Variants in NES observed in about 807,000 individuals in gnomAD.
NES encodes nestin.
A neutral mutation model predicts 35.6 loss-of-function variants in NES; 27 were observed. That is an observed-to-expected ratio of 0.76 (90% CI 0.56 to 1.04). NES has a LOEUF of 1.04. Ranked by LOEUF, NES falls within the 50% of genes least tolerant of loss-of-function variation. The pLI, the probability that NES is intolerant of heterozygous loss-of-function variation, is 0.00. For synonymous variants in NES, 822 were observed against 824.2 expected, an observed-to-expected ratio of 1.00 and a Z score of 0.04; for missense variants, 1,867 against 1,983.6, an observed-to-expected ratio of 0.94 and a Z score of 1.12.
chr1:156,670,294 G>A lies in NES; in HGVS notation c.3894C>T (p.Ser1298=). The A allele has an allele frequency of 6.2e-7, 1 of 1,611,656 alleles. No homozygotes were observed. Among genetic ancestry groups the A allele is most frequent in the Non-Finnish European group, 8.5e-7 (1 of 1,178,572 alleles). ...EDELGETLPD[S]TPLGFYLRSP... ...ACCTGAGGTAGAAGCCCAGGGGAGT[G>A]GAGTCTGGAAGGGTCTCCCCGAGCT... Residue 1298 remains serine, a synonymous_variant, in exon 4 of 4, where the codon TCC becomes TCT. Coordinates refer to ENST00000368223, the MANE Select transcript of NES (RefSeq NM_006617.2).
At position 156,675,714 on chromosome 1, in the gene NES, C is replaced by T. The variant is rs905924772; in HGVS notation, c.784-374G>A. On this transcript the variant is annotated intron_variant, in intron 1 of 3. Coordinates refer to ENST00000368223, the MANE Select transcript of NES (RefSeq NM_006617.2). ...AAAAAAGCGAAAGCAGAAGGAAAAA[C>T]GATTAATCAAGATGCCTGGAGCCTG... Among the ~76,000 whole-genome samples the T allele has an allele frequency of 7.2e-5, 11 of 152,246 alleles. No individual in the cohort carries two copies. In the South Asian group the frequency reaches 1.7e-3, roughly 23 times the overall value.
In NES at chr1:156,670,404, C is replaced by T. The variant is rs1679690718; in HGVS notation, c.3784G>A (p.Glu1262Lys). The stretch of plus-strand genomic sequence containing the variant: ...TCCCCAGAACCCAACTCCTCCTGCT[C>T]GCTCTCTACTTTCCCCAGGGCTTCA... ...RAEALGKVES[E>K]QEELGSGEIP... The change falls in exon 4 of 4, where the codon GAG (glutamate) becomes AAG (lysine). Residue 1262 changes from glutamate (E) to lysine (K), a missense_variant. Coordinates refer to ENST00000368223, the MANE Select transcript of NES (RefSeq NM_006617.2). 7.6e-6 allele frequency: 12 copies of T among 1,578,726 alleles called. No homozygotes were observed. In the East Asian group the frequency reaches 9.0e-5, roughly 12 times the overall value.
intron 2 of NES, 48 bp from the exon 3 acceptor site, chr1:156,673,575 T>C: frequency 1.4e-6 from 2 of 1,461,592 alleles, no homozygotes; most frequent in Non-Finnish European, 9.5e-7. Flanking sequence ...CCCCCAGGCC[T>C]GCAGGCAGCA....
chr1:156,673,622 T>C (rs1679782714), intron 2 of NES, 95 bp from the exon 3 acceptor site: 1 of 820,724 alleles, frequency 1.2e-6, no homozygotes, highest in Admixed American at 2.5e-5. Flanking sequence ...GCTTGCACCA[T>C]CCAGGCCCTG....
Position 156,677,144 on chromosome 1 carries a change from C to A in NES, c.121G>T (p.Gly41Trp), listed in dbSNP as rs759279990. The change falls in exon 1 of 4, where the codon GGG becomes TGG. Residue 41 changes from glycine (G) to tryptophan (W), a missense_variant. By Grantham distance (184) the Gly-to-Trp change is radical. Coordinates refer to ENST00000368223, the MANE Select transcript of NES (RefSeq NM_006617.2). The surrounding 1 kb of genome is among the most constrained non-coding windows in gnomAD (Gnocchi z 4.5). ...TCCGCGGATTGTGCCCGGAGCCCCC[C>A]GAGCTCCGCGCTGAGCAGCTCATTC... ...EQNELLSAELGGLRAQSADTS... is the reference protein window; with the variant it reads ...EQNELLSAELWGLRAQSADTS... 3.7e-6 allele frequency: 6 copies of A among 1,610,250 alleles called. No individual in the cohort carries two copies. Among genetic ancestry groups the A allele is most frequent in the Non-Finnish European group, 5.1e-6 (6 of 1,178,988 alleles).
At chr1:156,673,298 G>C (rs1679776519) in intron 3 of NES, 93 bp from the exon 4 acceptor site, 1 of 1,301,024 alleles carries the variant, frequency 7.7e-7, no homozygotes, top group Non-Finnish European at 1.1e-6. Flanking sequence ...GTATCCATGC[G>C]CCTGCCCCTG....
chr1:156,677,197 A>G lies in NES; in HGVS notation c.68T>C (p.Leu23Pro). ...CTCCTCCAGCGCCTTGACCCGGGCC[A>G]GGTAGGCCTCCAGGCGCCGATTGAG... Reference protein sequence around the residue: ...WELNRRLEAYLARVKALEEQN... With the variant: ...WELNRRLEAYPARVKALEEQN... The change falls in exon 1 of 4, where the codon CTG (leucine) becomes CCG (proline). Residue 23 changes from leucine to proline, a missense_variant. Coordinates refer to ENST00000368223, the MANE Select transcript of NES (RefSeq NM_006617.2). The surrounding 1 kb of genome is among the most constrained non-coding windows in gnomAD (Gnocchi z 4.5). 1 of 1,580,492 alleles carries G rather than the reference A, an allele frequency of 6.3e-7. No individual in the cohort carries two copies. Among genetic ancestry groups the G allele is most frequent in the Non-Finnish European group, 8.6e-7 (1 of 1,159,158 alleles).
intron 2 of NES, 80 bp from the exon 3 acceptor site, chr1:156,673,607 G>T: frequency 9.5e-7 from 1 of 1,049,206 alleles, no homozygotes. Context: ...GACAACTCAG[G>T]CTGAGCTTGC....
rs1426349446 is a variant in NES at position 156,675,427 on chromosome 1, G to C, written c.784-87C>G. The C allele has an allele frequency of 2.7e-6, 4 of 1,461,286 alleles. No individual in the cohort carries two copies. In the African/African-American group the frequency reaches 4.2e-5, roughly 15 times the overall value. The allele number at this position is 1,461,286 out of a possible 1,614,324, so 90.5% of individuals were successfully genotyped here. A position where few individuals can be genotyped will look rare whatever the true frequency, so the allele number is the denominator to read the frequency against. ...CCTCCTGCCCGCTGCCGCTGCCCGG[G>C]AAGCACCTCCTGCTCCCTGGCTGAC... is the stretch of plus-strand genomic sequence containing the variant. On this transcript the variant is annotated intron_variant, in intron 1 of 3. Coordinates refer to ENST00000368223, the MANE Select transcript of NES (RefSeq NM_006617.2).
chr1:156,676,882 C>T lies in NES; in HGVS notation c.383G>A (p.Ser128Asn). Residue 128 changes from serine (S) to asparagine (N), a missense_variant, in exon 1 of 4, where the codon AGC becomes AAC. Coordinates refer to ENST00000368223, the MANE Select transcript of NES (RefSeq NM_006617.2). The surrounding 1 kb of genome is among the most constrained non-coding windows in gnomAD (Gnocchi z 5.3). ...AEKCARAWLS[S>N]QVAELERELE... ...CTCGCGCTCCAGCTCTGCCACCTGG[C>T]TACTCAGCCAGGCCCGGGCGCATTT... The T allele has an allele frequency of 2.6e-6, 4 of 1,537,270 alleles. No homozygotes were observed. Among genetic ancestry groups the T allele is most frequent in the Non-Finnish European group, 1.7e-6 (2 of 1,153,680 alleles).
In NES at chr1:156,677,303, G is replaced by A; in HGVS notation, c.-39C>T. The A allele has an allele frequency of 7.4e-7, 1 of 1,355,854 alleles. No individual in the cohort carries two copies. Among genetic ancestry groups the A allele is most frequent in the African/African-American group, 1.5e-5 (1 of 64,772 alleles). 84.0% of individuals were successfully genotyped at this position (1,355,854 alleles called of 1,614,324 possible). A position where few individuals can be genotyped will look rare whatever the true frequency, so the allele number is the denominator to read the frequency against. On this transcript the variant is annotated 5_prime_UTR_variant, in exon 1 of 4. Coordinates refer to ENST00000368223, the MANE Select transcript of NES (RefSeq NM_006617.2). This position sits in a 1 kb window ranked among gnomAD's most constrained non-coding sequence, Gnocchi z 4.5. The stretch of plus-strand genomic sequence containing the variant: ...CCCACTGAGGATGGACAGACGCGGG[G>A]CACCGGGAGAAGGGAGCGGCTCGCA...
In NES at chr1:156,669,250, G is replaced by C; in HGVS notation, c.*72C>G. 1 of 1,024,892 alleles carries C rather than the reference G, an allele frequency of 9.8e-7. No homozygotes were observed. The highest frequency in any genetic ancestry group is 1.4e-6 in the Non-Finnish European group (1 of 703,174). 63.5% of individuals were successfully genotyped at this position (1,024,892 alleles called of 1,614,324 possible). A position where few individuals can be genotyped will look rare whatever the true frequency, so the allele number is the denominator to read the frequency against. Reference sequence around the variant, plus strand: ...AAGTTAAGAGTGCTGCTCCTGAGCAGGGAGCGGGCTTGGAGGCGTCCTTCC... The same window carrying C: ...AAGTTAAGAGTGCTGCTCCTGAGCACGGAGCGGGCTTGGAGGCGTCCTTCC... On this transcript the variant is annotated 3_prime_UTR_variant, in exon 4 of 4. Transcript: ENST00000368223.
At position 156,672,663 on chromosome 1, in the gene NES, T is replaced by C. The variant is rs776851022; in HGVS notation, c.1525A>G (p.Thr509Ala). ...CTTACCACTTTGCCCTCTATGGCTG[T>C]TTCTTTCTCTACCAACCCCCAGATT... ...GQIWGLVEKE[T>A]AIEGKVVSSL... Residue 509 changes from threonine (T) to alanine (A), a missense_variant, in exon 4 of 4, where the codon ACA (threonine) becomes GCA (alanine). By Grantham distance (58) the Thr-to-Ala change is moderately conservative. Coordinates refer to ENST00000368223, the MANE Select transcript of NES (RefSeq NM_006617.2). The C allele has an allele frequency of 6.2e-7, 1 of 1,613,904 alleles. No homozygotes were observed. Among genetic ancestry groups the C allele is most frequent in the Non-Finnish European group, 8.5e-7 (1 of 1,180,028 alleles).
Position 156,672,124 on chromosome 1 carries a change from T to C in NES, c.2064A>G (p.Ala688=), listed in dbSNP as rs1228262423. The stretch of plus-strand genomic sequence containing the variant: ...GATTCTCCTTTGTCAGAGGTCTCAG[T>C]GCCTCCTCATCCCCTACTTCTGGAG... The part of the protein sequence containing the change: ...LRSPEVGDEE[A]LRPLTKENQE... The change falls in exon 4 of 4, where the codon GCA becomes GCG. Residue 688 remains alanine, a synonymous_variant. Transcript: ENST00000368223. 6.2e-7 allele frequency: 1 copy of C among 1,611,374 alleles called. No homozygotes were observed. Among genetic ancestry groups the C allele is most frequent in the African/African-American group, 1.3e-5 (1 of 74,570 alleles).
chr1:156,676,776 C>T lies in NES; in HGVS notation c.489G>A (p.Ala163=). The change falls in exon 1 of 4, where the codon GCG becomes GCA. Residue 163 remains alanine (A), a synonymous_variant. Coordinates refer to ENST00000368223, the MANE Select transcript of NES (RefSeq NM_006617.2). This position sits in a 1 kb window ranked among gnomAD's most constrained non-coding sequence, Gnocchi z 5.3. ...AQAACAPRCP[A]PPRGPPAPAP... ...CCGGCGCGGGAGGCCCGCGGGGCGG[C>T]GCGGGGCAGCGGGGGGCACAGGCAG... is the stretch of plus-strand genomic sequence containing the variant. 7.3e-7 allele frequency: 1 copy of T among 1,367,034 alleles called. No individual in the cohort carries two copies. Among genetic ancestry groups the T allele is most frequent in the Non-Finnish European group, 9.3e-7 (1 of 1,069,664 alleles). The allele number at this position is 1,367,034 out of a possible 1,614,324, so 84.7% of individuals were successfully genotyped here.
Position 156,672,093 on chromosome 1 carries a change from G to T in NES, c.2095C>A (p.Pro699Thr). The change falls in exon 4 of 4, where the codon CCC (proline) becomes ACC (threonine). Residue 699 changes from proline (P) to threonine (T), a missense_variant. Pro to Thr is a conservative substitution (Grantham distance 38). Coordinates refer to ENST00000368223, the MANE Select transcript of NES (RefSeq NM_006617.2). ...LRPLTKENQE[P>T]LRSLEDENKE... ...TTCTCATCTTCAAGAGACCTCAGGG[G>T]TTCCTGATTCTCCTTTGTCAGAGGT... 6.2e-7 allele frequency: 1 copy of T among 1,611,066 alleles called. No individual in the cohort carries two copies. The highest frequency in any genetic ancestry group is 2.2e-5 in the East Asian group (1 of 44,868).
rs1435407143 is a variant in NES at position 156,672,117 on chromosome 1, G to T, written c.2071C>A (p.Pro691Thr). The T allele has an allele frequency of 1.9e-6, 3 of 1,610,870 alleles. No individual in the cohort carries two copies. In the Admixed American group the frequency reaches 5.1e-5, roughly 27 times the overall value. ...GGTTCCTGATTCTCCTTTGTCAGAG[G>T]TCTCAGTGCCTCCTCATCCCCTACT... ...PEVGDEEALR[P>T]LTKENQEPLR... is the part of the protein sequence containing the mutation. Residue 691 changes from proline to threonine, a missense_variant, in exon 4 of 4, where the codon CCT (proline) becomes ACT (threonine). Pro to Thr is a conservative substitution (Grantham distance 38). Coordinates refer to ENST00000368223, the MANE Select transcript of NES (RefSeq NM_006617.2).
At position 156,676,543 on chromosome 1, in the gene NES, G is replaced by C. The variant is rs1455318985; in HGVS notation, c.722C>G (p.Ala241Gly). 6.3e-7 allele frequency: 1 copy of C among 1,595,100 alleles called. No homozygotes were observed. Among genetic ancestry groups the C allele is most frequent in the Admixed American group, 1.7e-5 (1 of 59,728 alleles). ...ERGGLLERRA[A>G]LEQRLEGRWQ... ...GCGGCCCTCCAACCTCTGTTCCAAC[G>C]CTGCCCTGCGCTCCAGGAGGCCTCC... Residue 241 changes from alanine (A) to glycine (G), a missense_variant, in exon 1 of 4, where the codon GCG becomes GGG. Coordinates refer to ENST00000368223, the MANE Select transcript of NES (RefSeq NM_006617.2). The surrounding 1 kb of genome is among the most constrained non-coding windows in gnomAD (Gnocchi z 5.3).
chr1:156,674,709 C>T (rs1679804427), intron 2 of NES, among the ~76,000 whole-genome samples: 1 of 152,236 alleles, frequency 6.6e-6, no homozygotes, highest in Admixed American at 6.5e-5. Context: ...TCAGAGGAGT[C>T]TCGCCCCATG....
Sources: gnomAD v4.1 joint callset for allele counts (sites outside exome capture counted in the v4.1 genomes callset) on GRCh38, gnomAD v4.1.1 for gene constraint, Gnocchi (gnomAD v3.1) non-coding constraint, MANE v1.5 for transcripts, NCBI Gene and HGNC (gene_info 2026-07-23, HGNC 2026-07-21) for gene names.